The following ENTREP2 variants were observed in gnomAD, a reference collection of about 807,000 sequenced individuals.
The protein encoded by ENTREP2 is endosomal transmembrane epsin interactor 2.
the ENTREP2 span, among the ~76,000 whole-genome samples, chr15:29,455,070 C>T: frequency 1.3e-5 from 2 of 152,132 alleles, no homozygotes; most frequent in African/African-American, 2.4e-5. Context: ...CTGTGGCAAA[C>T]GTGAAGTCAC....
chr15:29,371,087 T>A, the ENTREP2 span, among the ~76,000 whole-genome samples: 3 of 151,964 alleles, frequency 2.0e-5, no homozygotes, highest in Non-Finnish European at 4.4e-5. Flanking sequence ...CAGGCACAAC[T>A]TGAGGTACCT....
chr15:29,410,271 G>C, the ENTREP2 span, among the ~76,000 whole-genome samples: 3 of 152,142 alleles, frequency 2.0e-5, no homozygotes, highest in African/African-American at 7.2e-5. Context: ...CAGTGTGTTT[G>C]GTGTTGCTTG....
the ENTREP2 span, among the ~76,000 whole-genome samples, chr15:29,470,952 G>A: frequency 6.6e-6 from 1 of 152,028 alleles, no homozygotes; most frequent in Non-Finnish European, 1.5e-5. Flanking sequence ...GATCTCACTA[G>A]ACCAACTCAA....
the ENTREP2 span, among the ~76,000 whole-genome samples, chr15:29,380,848 CT>C: frequency 0.24 from 30,947 of 127,136 alleles, 2,783 homozygotes; most frequent in African/African-American, 0.32. Context: ...TGCATCCACA[CT>C]TTTTTTTTTT....
chr15:29,572,909 G>A, the ENTREP2 span, among the ~76,000 whole-genome samples: 3 of 151,904 alleles, frequency 2.0e-5, no homozygotes, highest in Non-Finnish European at 4.4e-5. Context: ...CCAAAAATGG[G>A]TTGAGGGGTG....
the ENTREP2 span, among the ~76,000 whole-genome samples, chr15:29,390,488 G>A: frequency 6.6e-5 from 10 of 152,264 alleles, no homozygotes; most frequent in Admixed American, 5.2e-4. Flanking sequence ...CGAACCTTGC[G>A]AGCACCATGA....
chr15:29,303,332 TG>T, the ENTREP2 span, among the ~76,000 whole-genome samples: 1 of 152,270 alleles, frequency 6.6e-6, no homozygotes, highest in Admixed American at 6.5e-5. Flanking sequence ...TCTTAGTTGA[TG>T]TAGTCAGCTG....
the ENTREP2 span, chr15:29,137,027 G>C: frequency 7.0e-7 from 1 of 1,428,864 alleles, no homozygotes; most frequent in Non-Finnish European, 9.1e-7. Flanking sequence ...AGCCGCGGGA[G>C]ACCAACCTCT....
the ENTREP2 span, among the ~76,000 whole-genome samples, chr15:29,565,241 G>A: frequency 2.0e-5 from 3 of 152,058 alleles, no homozygotes; most frequent in South Asian, 2.1e-4. Flanking sequence ...AATATCCCAC[G>A]CTGCAAGAGG....
At chr15:29,139,619 C>G in the ENTREP2 span, among the ~76,000 whole-genome samples, 3 of 152,186 alleles carry the variant, frequency 2.0e-5, 1 homozygote, top group South Asian at 6.2e-4. Flanking sequence ...GGCAGAGGTG[C>G]AAGGGACCCT....
chr15:29,337,406 C>T, the ENTREP2 span, among the ~76,000 whole-genome samples: 4 of 152,116 alleles, frequency 2.6e-5, no homozygotes, highest in African/African-American at 9.7e-5. Context: ...GGGCTGCCTG[C>T]CTTTTTCTGT....
chr15:29,411,655 GA>G, the ENTREP2 span, among the ~76,000 whole-genome samples: 1 of 152,142 alleles, frequency 6.6e-6, no homozygotes, highest in African/African-American at 2.4e-5. Context: ...TCAATAAAAA[GA>G]ATGTTTAAAT....
the ENTREP2 span, among the ~76,000 whole-genome samples, chr15:29,343,655 T>C: frequency 6.6e-6 from 1 of 152,072 alleles, no homozygotes; most frequent in Non-Finnish European, 1.5e-5. Context: ...GAACCCTGAT[T>C]AACACGGGAA....
At chr15:29,421,889 G>T in the ENTREP2 span, among the ~76,000 whole-genome samples, 2 of 152,200 alleles carry the variant, frequency 1.3e-5, no homozygotes, top group African/African-American at 4.8e-5. Context: ...GACTTCATGA[G>T]TAACGGACTC....
chr15:29,248,465 A>G, the ENTREP2 span, among the ~76,000 whole-genome samples: 51 of 152,310 alleles, frequency 3.3e-4, no homozygotes, highest in Admixed American at 6.5e-4. Context: ...TCAAAACTAT[A>G]ATATATAAAG....
chr15:29,522,148 C>T, the ENTREP2 span, among the ~76,000 whole-genome samples: 243 of 152,118 alleles, frequency 1.6e-3, no homozygotes, highest in African/African-American at 5.7e-3. Context: ...GAATCACAGA[C>T]ATAAATGTAA....
chr15:29,520,933 G>C, the ENTREP2 span, among the ~76,000 whole-genome samples: 1 of 152,142 alleles, frequency 6.6e-6, no homozygotes, highest in Non-Finnish European at 1.5e-5. Flanking sequence ...TAATTGGGAA[G>C]ATATAATGTA....
chr15:29,414,987 C>T, the ENTREP2 span, among the ~76,000 whole-genome samples: 1 of 151,978 alleles, frequency 6.6e-6, no homozygotes, highest in Non-Finnish European at 1.5e-5. Context: ...TAATAACAGG[C>T]TCTGAAATTG....
chr15:29,284,964 C>T, the ENTREP2 span, among the ~76,000 whole-genome samples: 5 of 152,102 alleles, frequency 3.3e-5, no homozygotes, highest in Non-Finnish European at 7.4e-5. Context: ...TAGTTAGATC[C>T]TAGCCCCAAT....
Sources: allele counts gnomAD v4.1 joint callset (sites outside exome capture counted in the v4.1 genomes callset), GRCh38; gene constraint gnomAD v4.1.1; transcripts MANE v1.5; gene names NCBI Gene and HGNC (gene_info 2026-07-23, HGNC 2026-07-21).